The following MAN2B2 variants were observed in gnomAD, a reference collection of about 807,000 sequenced individuals.
MAN2B2 encodes the protein mannosidase alpha class 2B member 2, also known as epididymis-specific alpha-mannosidase.
MAN2B2 carries 106 observed loss-of-function variants against 117.1 expected under a neutral mutation model. The observed-to-expected ratio is 0.90, with a 90% confidence interval of 0.77 to 1.06. The LOEUF is 1.06. MAN2B2 is among the 50% of genes least tolerant of loss of function. The probability of loss-of-function intolerance (pLI) is 0.00; values close to 1 mark genes in which losing one functional copy is unlikely to be tolerated. For missense variants in MAN2B2, 1,326 were observed against 1,381.4 expected (o/e 0.96, Z 0.64); for synonymous variants, 544 against 595.1 (o/e 0.91, Z 1.25).
intron 5 of MAN2B2, among the ~76,000 whole-genome samples, chr4:6,592,438 G>A (rs1252335515): frequency 6.6e-6 from 1 of 152,132 alleles, no homozygotes; most frequent in African/African-American, 2.4e-5. Flanking sequence ...GGGCCACAGA[G>A]CAAGACCTCG....
chr4:6,609,305 C>T lies in MAN2B2; in HGVS notation c.2006+7C>T. Reference sequence around the variant, plus strand: ...TCCGGCAGTACTTCTACAGGTGCTTCCCCTGGGGTGACCCCCACAGCCCGG... The same window carrying T: ...TCCGGCAGTACTTCTACAGGTGCTTTCCCTGGGGTGACCCCCACAGCCCGG... On this transcript the variant is annotated splice_region_variant and intron_variant, in intron 12 of 18. Coordinates refer to ENST00000285599, the MANE Select transcript of MAN2B2 (RefSeq NM_015274.3). The T allele has an allele frequency of 6.2e-7, 1 of 1,611,798 alleles. No homozygotes were observed. The highest frequency in any genetic ancestry group is 8.5e-7 in the Non-Finnish European group (1 of 1,178,644).
chr4:6,587,164 C>T lies in MAN2B2; in HGVS notation c.560C>T (p.Ala187Val), dbSNP rs1490806539. 1 of 1,612,472 alleles carries T rather than the reference C, an allele frequency of 6.2e-7. No homozygotes were observed. The highest frequency in any genetic ancestry group is 8.5e-7 in the Non-Finnish European group (1 of 1,179,434). ...GACCTGAAGGCAGCCATGCAGGAGG[C>T]CCGGGTGAGTGGTGTGCCGCGTCTG... is the stretch of plus-strand genomic sequence containing the variant. ...DYDLKAAMQEARGLQFVWRGS... is the reference protein window; with the variant it reads ...DYDLKAAMQEVRGLQFVWRGS... Residue 187 changes from alanine to valine, a missense_variant, in exon 4 of 19, where the codon GCC becomes GTC. Physicochemically the swap from Ala to Val is moderately conservative, Grantham distance 64 (BLOSUM62 0). Coordinates refer to ENST00000285599, the MANE Select transcript of MAN2B2 (RefSeq NM_015274.3).
At chr4:6,610,729 A>G in intron 13 of MAN2B2, 151 bp from the exon 14 acceptor site, 1 of 674,188 alleles carries the variant, frequency 1.5e-6, no homozygotes, top group South Asian at 1.7e-5. Context: ...CTGGTGTCTG[A>G]ACCCCAGTCT....
Position 6,621,221 on chromosome 4 carries a change from G to A in MAN2B2, c.2966G>A (p.Gly989Asp), listed in dbSNP as rs1428417443. ...DTTSPSRPPG[G>D]PIITVHPKEI... ...ACCTCTCCCTCGAGGCCACCAGGAG[G>A]CCCCATCATCACCGTCCACCCAAAG... is the stretch of plus-strand genomic sequence containing the variant. Residue 989 changes from glycine to aspartate, a missense_variant, in exon 19 of 19, where the codon GGC (glycine) becomes GAC (aspartate). Coordinates refer to ENST00000285599, the MANE Select transcript of MAN2B2 (RefSeq NM_015274.3). The A allele has an allele frequency of 1.9e-6, 3 of 1,613,976 alleles. No individual in the cohort carries two copies. In the South Asian group the frequency reaches 3.3e-5, roughly 18 times the overall value.
chr4:6,581,802 C>T (rs537838478), intron 3 of MAN2B2, among the ~76,000 whole-genome samples: 26 of 151,894 alleles, frequency 1.7e-4, no homozygotes, highest in Middle Eastern at 6.8e-3. Context: ...GGCACTGGGC[C>T]TGCCCGTAAG....
chr4:6,620,960 C>A (rs1177565604), intron 18 of MAN2B2: 7 of 518,932 alleles, frequency 1.3e-5, no homozygotes, highest in Non-Finnish European at 2.1e-5. Context: ...GGAGTCCTGG[C>A]AGAAGGGGAT....
At chr4:6,603,568 G>T (rs573375797) in intron 10 of MAN2B2, among the ~76,000 whole-genome samples, 1 of 152,244 alleles carries the variant, frequency 6.6e-6, no homozygotes, top group African/African-American at 2.4e-5. Flanking sequence ...TGCAGTATCC[G>T]TTAGGAGTAG....
In MAN2B2 at chr4:6,621,188, G is replaced by A. The variant is rs960229063; in HGVS notation, c.2933G>A (p.Gly978Asp). 4 of 1,613,120 alleles carry A rather than the reference G, an allele frequency of 2.5e-6. No homozygotes were observed. The highest frequency in any genetic ancestry group is 1.3e-5 in the African/African-American group (1 of 74,900). ...SWRTGPGRHRGDTTSPSRPPG... is the reference protein window; with the variant it reads ...SWRTGPGRHRDDTTSPSRPPG... The stretch of plus-strand genomic sequence containing the variant: ...GGACAGATCACCTCTGTTCCCCTAG[G>A]TGACACCACCTCTCCCTCGAGGCCA... The change falls in exon 19 of 19, where the codon GGT (glycine) becomes GAT (aspartate). Residue 978 changes from glycine to aspartate, a missense_variant and splice_region_variant. Physicochemically the swap from Gly to Asp is moderately conservative, Grantham distance 94. Coordinates refer to ENST00000285599, the MANE Select transcript of MAN2B2 (RefSeq NM_015274.3).
Position 6,617,440 on chromosome 4 carries a change from A to G in MAN2B2, c.2762A>G (p.Tyr921Cys). 2 of 1,614,158 alleles carry G rather than the reference A, an allele frequency of 1.2e-6. No individual in the cohort carries two copies. Among genetic ancestry groups the G allele is most frequent in the Non-Finnish European group, 1.7e-6 (2 of 1,180,020 alleles). Reference sequence around the variant, plus strand: ...GTCCTGCTGCGGCTCTACCACCTATATGAAGTGGGCGAGGACCCAGTCCTG... The same window carrying G: ...GTCCTGCTGCGGCTCTACCACCTATGTGAAGTGGGCGAGGACCCAGTCCTG... ...RRVLLRLYHL[Y>C]EVGEDPVLSQ... The change falls in exon 17 of 19, where the codon TAT becomes TGT. Residue 921 changes from tyrosine to cysteine, a missense_variant. Tyr to Cys is a radical substitution (Grantham distance 194, BLOSUM62 -2). Transcript: ENST00000285599.
chr4:6,576,901 C>A (rs897565877), intron 2 of MAN2B2, among the ~76,000 whole-genome samples, 177 bp downstream of exon 2: 1 of 152,194 alleles, frequency 6.6e-6, no homozygotes, highest in Non-Finnish European at 1.5e-5. Context: ...GAGTTCCATG[C>A]CTGGGAGAGA....
In MAN2B2 at chr4:6,596,157, G is replaced by A. The variant is rs1051704678; in HGVS notation, c.1058-956G>A. ...AGGTGGGCGTGGTATCCAGGTGGGC[G>A]TGGTATCCAGGCGGGTGTGGGTGGG... On this transcript the variant is annotated intron_variant, in intron 7 of 18. Transcript: ENST00000285599. Among the ~76,000 whole-genome samples the A allele has an allele frequency of 3.3e-5, 5 of 151,428 alleles. No individual in the cohort carries two copies. In the South Asian group the frequency reaches 6.3e-4, roughly 19 times the overall value.
At chr4:6,581,831 A>C in intron 3 of MAN2B2, among the ~76,000 whole-genome samples, 2 of 149,898 alleles carry the variant, frequency 1.3e-5, no homozygotes, top group Non-Finnish European at 3.0e-5. Context: ...TCCAGCCTTT[A>C]CCTCCCCAAC....
At chr4:6,606,080 T>G (rs1037825763) in intron 11 of MAN2B2, among the ~76,000 whole-genome samples, 1 of 152,214 alleles carries the variant, frequency 6.6e-6, no homozygotes, top group Non-Finnish European at 1.5e-5. Context: ...ATACTCACCT[T>G]GTCTCCTGAT....
chr4:6,598,950 A>G (rs1016606875), intron 9 of MAN2B2, among the ~76,000 whole-genome samples: 1 of 152,204 alleles, frequency 6.6e-6, no homozygotes, highest in African/African-American at 2.4e-5. Flanking sequence ...ATCACATGCC[A>G]GTGTGCCTGG....
intron 6 of MAN2B2, 45 bp from the exon 7 acceptor site, chr4:6,594,489 C>T (rs112658515): frequency 5.4e-5 from 85 of 1,587,070 alleles, no homozygotes; most frequent in African/African-American, 5.0e-4. Context: ...ACTGGGCGAG[C>T]GCCCTGCTCC....
Position 6,621,112 on chromosome 4 carries a change from C to A in MAN2B2, c.2933-76C>A, listed in dbSNP as rs899495523. The A allele has an allele frequency of 7.8e-6, 8 of 1,030,606 alleles. No homozygotes were observed. In the African/African-American group the frequency reaches 1.1e-4, roughly 14 times the overall value. 63.8% of individuals were successfully genotyped at this position (1,030,606 alleles called of 1,614,324 possible). A position where few individuals can be genotyped will look rare whatever the true frequency, so the allele number is the denominator to read the frequency against. Reference sequence around the variant, plus strand: ...GCTGGGAGCCACAGCAGACTGTAGACAGGTGCAGGGGGTGAGAGGGAGGCT... The same window carrying A: ...GCTGGGAGCCACAGCAGACTGTAGAAAGGTGCAGGGGGTGAGAGGGAGGCT... On this transcript the variant is annotated intron_variant, in intron 18 of 18. Transcript: ENST00000285599.
Position 6,605,271 on chromosome 4 carries a change from G to A in MAN2B2, c.1756G>A (p.Asp586Asn), listed in dbSNP as rs541145764. ...AGRYLVPVAN[D>N]CYIVLLDQDT... ...CAGGTACTTGGTGCCTGTGGCAAAC[G>A]ACTGCTACATTGTGCTGCTCGACCA... Residue 586 changes from aspartate (D) to asparagine (N), a missense_variant, in exon 11 of 19, where the codon GAC (aspartate) becomes AAC (asparagine). By Grantham distance (23) the Asp-to-Asn change is conservative (BLOSUM62 1). Transcript: ENST00000285599. 29 of 1,614,148 alleles carry A rather than the reference G, an allele frequency of 1.8e-5. No homozygotes were observed. The highest frequency in any genetic ancestry group is 1.7e-4 in the Middle Eastern group (1 of 6,060).
At chr4:6,614,181 C>T in intron 15 of MAN2B2, 37 bp from the exon 16 acceptor site, 1 of 1,604,392 alleles carries the variant, frequency 6.2e-7, no homozygotes, top group East Asian at 2.2e-5. Flanking sequence ...GAGTTGAGCC[C>T]CAAACCCTCT....
chr4:6,599,662 CAAAAAAA>C (rs34126657), intron 9 of MAN2B2, among the ~76,000 whole-genome samples: 1 of 93,402 alleles, frequency 1.1e-5, no homozygotes, highest in African/African-American at 4.5e-5. Flanking sequence ...GACTCCGTCT[CAAAAAAA>C]AAAAAAAAAA....
Sources: allele counts gnomAD v4.1 joint callset (sites outside exome capture counted in the v4.1 genomes callset), GRCh38; gene constraint gnomAD v4.1.1; transcripts MANE v1.5; gene names NCBI Gene and HGNC (gene_info 2026-07-23, HGNC 2026-07-21).